Variants in SNTG2 observed in about 807,000 individuals in gnomAD.
SNTG2 encodes syntrophin gamma 2, also known as gamma-2-syntrophin.
SNTG2 carries 74 observed loss-of-function variants against 70.9 expected under a neutral mutation model. The observed-to-expected ratio is 1.04, with a 90% CI of 0.86 to 1.27. The LOEUF is 1.27. SNTG2 is among the 50% of genes most tolerant of loss of function. The probability of loss-of-function intolerance (pLI) is 0.00; values close to 1 mark genes in which losing one functional copy is unlikely to be tolerated. For missense variants in SNTG2, 717 were observed against 690.7 expected (o/e 1.04, Z -0.43); for synonymous variants, 278 against 273.8 (o/e 1.02, Z -0.15).
chr2:1,004,857 T>C (rs1270757266), intron 1 of SNTG2, among the ~76,000 whole-genome samples: 1 of 152,210 alleles, frequency 6.6e-6, no homozygotes, highest in African/African-American at 2.4e-5. Context: ...ACAAAAAACA[T>C]GCAGAGATGT....
At chr2:962,556 T>G (rs138461259) in intron 1 of SNTG2, among the ~76,000 whole-genome samples, 1 of 152,272 alleles carries the variant, frequency 6.6e-6, no homozygotes, top group East Asian at 1.9e-4. Flanking sequence ...TGCAGAAAAA[T>G]AATTAGATGA....
intron 9 of SNTG2, among the ~76,000 whole-genome samples, chr2:1,230,978 T>C (rs922570790): frequency 1.3e-5 from 2 of 151,782 alleles, no homozygotes; most frequent in Admixed American, 6.6e-5. Flanking sequence ...TTCCATAGGA[T>C]CACTGCGAGA....
intron 16 of SNTG2, among the ~76,000 whole-genome samples, chr2:1,362,538 C>CCGACACTGAGCATTT (rs1661243697): frequency 6.6e-6 from 1 of 151,914 alleles, no homozygotes; most frequent in African/African-American, 2.4e-5. Context: ...GTGAAAGTCA[C>CCGACACTGAGCATTT]CAATGCTGAG....
chr2:1,252,359 T>G (rs1030557093), intron 12 of SNTG2, among the ~76,000 whole-genome samples: 1 of 152,244 alleles, frequency 6.6e-6, no homozygotes, highest in Admixed American at 6.5e-5. Context: ...GGTCTCCAAC[T>G]GTCATTACTT....
At chr2:1,065,484 T>A (rs1370000910) in intron 1 of SNTG2, among the ~76,000 whole-genome samples, 1 of 152,146 alleles carries the variant, frequency 6.6e-6, no homozygotes, top group Non-Finnish European at 1.5e-5. Flanking sequence ...CGAGTAAATT[T>A]CTTAACTATT....
At chr2:1,082,472 G>A (rs961189359) in intron 1 of SNTG2, among the ~76,000 whole-genome samples, 5 of 152,134 alleles carry the variant, frequency 3.3e-5, no homozygotes, top group Admixed American at 6.5e-5. Context: ...GGACCTCCCC[G>A]TCCGTGGGCC....
chr2:1,307,177 GGT>G (rs1315801308), intron 14 of SNTG2, among the ~76,000 whole-genome samples: 2 of 148,646 alleles, frequency 1.3e-5, no homozygotes, highest in Non-Finnish European at 3.0e-5. Context: ...GTGTGTGTGT[GGT>G]GTGTGAGCCA....
intron 6 of SNTG2, among the ~76,000 whole-genome samples, chr2:1,153,700 T>C (rs1054080965): frequency 6.6e-6 from 1 of 152,200 alleles, no homozygotes; most frequent in African/African-American, 2.4e-5. Flanking sequence ...AAGTGGATAA[T>C]AACTAATTGC....
At chr2:1,083,450 G>A (rs564285275) in intron 1 of SNTG2, 68 bp from the exon 2 acceptor site, 20 of 1,574,928 alleles carry the variant, frequency 1.3e-5, no homozygotes, top group East Asian at 6.7e-5. Context: ...GGAGGCGTGC[G>A]TCACCTATCC....
intron 1 of SNTG2, among the ~76,000 whole-genome samples, chr2:1,021,302 C>T (rs1385173778): frequency 1.3e-5 from 2 of 152,152 alleles, no homozygotes; most frequent in Non-Finnish European, 2.9e-5. Flanking sequence ...ATCTTGTTGA[C>T]CTGCACCCAT....
chr2:1,281,900 C>T (rs1441828495), intron 14 of SNTG2, among the ~76,000 whole-genome samples: 1 of 152,142 alleles, frequency 6.6e-6, no homozygotes, highest in Non-Finnish European at 1.5e-5. Context: ...CACCCCCGTC[C>T]GTGTCTCCTC....
chr2:1,238,060 T>C, intron 10 of SNTG2, 43 bp downstream of exon 10: 1 of 1,572,618 alleles, frequency 6.4e-7, no homozygotes, highest in Non-Finnish European at 8.7e-7. Context: ...TGCTCATTCG[T>C]GCATGAAAAA....
At chr2:1,178,333 C>A (rs902376238) in intron 8 of SNTG2, among the ~76,000 whole-genome samples, 3 of 152,174 alleles carry the variant, frequency 2.0e-5, no homozygotes, top group African/African-American at 7.2e-5. Context: ...GAACTTCCAA[C>A]ACTATGTTGA....
At chr2:1,134,780 C>T (rs553429145) in intron 4 of SNTG2, among the ~76,000 whole-genome samples, 20 of 152,252 alleles carry the variant, frequency 1.3e-4, no homozygotes, top group African/African-American at 4.1e-4. Context: ...CAGGGGGCGT[C>T]GCTCGTTGGG....
intron 6 of SNTG2, among the ~76,000 whole-genome samples, chr2:1,163,936 A>G (rs554442390): frequency 6.6e-6 from 1 of 152,306 alleles, no homozygotes; most frequent in East Asian, 1.9e-4. Context: ...GAACTTTCAA[A>G]CTTTCTAAAT....
rs1433159630 is a variant in SNTG2 at position 1,266,534 on chromosome 2, C to T, written c.1078-831C>T. On this transcript the variant is annotated intron_variant, in intron 13 of 16. Transcript: ENST00000308624. The stretch of plus-strand genomic sequence containing the variant: ...GGCCTTTGGGTTGGCAGAATGAGCT[C>T]CTGGGTGGCCGGGTGCCTTGTCATG... Among the ~76,000 whole-genome samples, 4 of 152,112 alleles carry T rather than the reference C, an allele frequency of 2.6e-5. No individual in the cohort carries two copies. In the East Asian group the frequency reaches 5.8e-4, roughly 22 times the overall value.
intron 1 of SNTG2, among the ~76,000 whole-genome samples, chr2:1,005,665 G>A (rs555350494): frequency 5.3e-5 from 8 of 150,896 alleles, no homozygotes; most frequent in Non-Finnish European, 1.2e-4. Context: ...TTAGCCAGGC[G>A]TGGTGACATG....
intron 9 of SNTG2, among the ~76,000 whole-genome samples, chr2:1,227,634 C>T (rs532610137): frequency 6.6e-6 from 1 of 152,320 alleles, no homozygotes; most frequent in East Asian, 1.9e-4. Context: ...CCTGTGCAGC[C>T]GCAGCTGGGG....
chr2:1,253,743 C>T (rs1677893427), intron 12 of SNTG2, among the ~76,000 whole-genome samples: 1 of 152,166 alleles, frequency 6.6e-6, no homozygotes, highest in Admixed American at 6.5e-5. Flanking sequence ...AATTGGCCCA[C>T]AGTTCCGCAA....
Sources: allele counts gnomAD v4.1 joint callset (sites outside exome capture counted in the v4.1 genomes callset), GRCh38; gene constraint gnomAD v4.1.1; transcripts MANE v1.5; gene names NCBI Gene and HGNC (gene_info 2026-07-23, HGNC 2026-07-21).